Variants in DPH6 observed in about 807,000 individuals in gnomAD.
The protein encoded by DPH6 is diphthamine biosynthesis 6, also known as diphthine--ammonia ligase.
In DPH6, 33 loss-of-function variants were observed where a neutral mutation model predicts 38.2. That is an observed-to-expected ratio of 0.86 (90% CI 0.65 to 1.15). DPH6 has a LOEUF of 1.15. Among genes scored for constraint, DPH6 ranks in the 50% most tolerant of loss-of-function variants. The pLI is 0.00. For missense variants in DPH6, 325 were observed against 320.0 expected (o/e 1.02, Z -0.12); for synonymous variants, 108 against 103.0 (o/e 1.05, Z -0.30).
intron 5 of DPH6, among the ~76,000 whole-genome samples, chr15:35,436,275 G>T (rs1452023247): frequency 6.6e-6 from 1 of 151,422 alleles, no homozygotes; most frequent in East Asian, 2.0e-4. Flanking sequence ...GACCATCTTG[G>T]CTAACATGGT....
At chr15:35,400,924 G>A in intron 6 of DPH6, 1 of 1,040,460 alleles carries the variant, frequency 9.6e-7, no homozygotes. Context: ...GCCACACAAG[G>A]TGGATGAAGA....
At chr15:35,460,887 G>C (rs1033946709) in intron 3 of DPH6, among the ~76,000 whole-genome samples, 1 of 107,434 alleles carries the variant, frequency 9.3e-6, no homozygotes, top group South Asian at 3.3e-4. Context: ...AAAGCAAAGA[G>C]ATACTCACAA....
At chr15:35,521,483 GCTT>G in intron 3 of DPH6, 17 of 1,204,338 alleles carry the variant, frequency 1.4e-5, no homozygotes, top group Non-Finnish European at 1.8e-5. Context: ...CAAAATTAAT[GCTT>G]ACAACAGAAT....
In DPH6 at chr15:35,494,089, G is replaced by A. The variant is rs189518660; in HGVS notation, c.313-39269C>T. 5.9e-3 allele frequency among the ~76,000 whole-genome samples: 900 copies of A among 152,156 alleles called. 10 individuals are homozygous for A. The highest frequency in any genetic ancestry group is 0.021 in the African/African-American group (854 of 41,540). ...TTACTTAGTCTCCTTATCTGTAAAA[G>A]AGTGGGATAAAATAGTATTATGAGA... On this transcript the variant is annotated intron_variant, in intron 3 of 8. Coordinates refer to ENST00000256538, the MANE Select transcript of DPH6 (RefSeq NM_080650.4).
chr15:35,482,084 T>C (rs1439138840), intron 3 of DPH6, among the ~76,000 whole-genome samples: 3 of 152,068 alleles, frequency 2.0e-5, no homozygotes, highest in Admixed American at 6.6e-5. Context: ...CTGTGAAAAA[T>C]AGCAGTTTTA....
downstream of DPH6, among the ~76,000 whole-genome samples, chr15:35,329,863 T>C (rs188763314): frequency 6.6e-6 from 1 of 152,228 alleles, no homozygotes; most frequent in East Asian, 1.9e-4. Flanking sequence ...AAATACACAG[T>C]AATGTGTTGA....
chr15:35,222,633 G>T (rs1023827303), intron 3 of DPH6, among the ~76,000 whole-genome samples: 1 of 152,078 alleles, frequency 6.6e-6, no homozygotes, highest in African/African-American at 2.4e-5. Context: ...CATATGAACT[G>T]GGGTACAGAA....
At chr15:35,148,582 G>C in the DPH6 span, among the ~76,000 whole-genome samples, 1 of 151,930 alleles carries the variant, frequency 6.6e-6, no homozygotes, top group Non-Finnish European at 1.5e-5. Flanking sequence ...CTCATACTTA[G>C]TCAACACGTG....
intron 3 of DPH6, among the ~76,000 whole-genome samples, chr15:35,318,857 T>C (rs1261820268): frequency 6.6e-6 from 1 of 152,212 alleles, no homozygotes; most frequent in Admixed American, 6.5e-5. Flanking sequence ...ATATATTTTA[T>C]GGGATTTTTA....
At chr15:35,382,051 T>C in intron 6 of DPH6, 135 bp from the exon 7 acceptor site, 1 of 657,266 alleles carries the variant, frequency 1.5e-6, no homozygotes, top group Non-Finnish European at 2.6e-6. Context: ...GAAAATTAAT[T>C]ATATTTCTGC....
intron 6 of DPH6, among the ~76,000 whole-genome samples, chr15:35,402,174 T>C (rs765151705): frequency 2.6e-5 from 4 of 152,194 alleles, no homozygotes; most frequent in Admixed American, 6.5e-5. Flanking sequence ...AGTGTGAAGT[T>C]AGAATTCCTT....
chr15:35,359,125 C>T (rs562946618), intron 3 of DPH6, among the ~76,000 whole-genome samples: 5 of 152,072 alleles, frequency 3.3e-5, no homozygotes, highest in African/African-American at 1.2e-4. Context: ...AGGATTATCG[C>T]TGCCTCTGCT....
the DPH6 span, among the ~76,000 whole-genome samples, chr15:35,180,518 G>C: frequency 6.6e-6 from 1 of 151,678 alleles, no homozygotes; most frequent in Non-Finnish European, 1.5e-5. Flanking sequence ...GCCCAGGCTG[G>C]CACACGATCA....
At chr15:35,366,227 CTTGT>C (rs757175481), downstream of DPH6, among the ~76,000 whole-genome samples, 1 of 83,898 alleles carries the variant, frequency 1.2e-5, no homozygotes, top group Non-Finnish European at 2.3e-5. Context: ...TTTTAGTCAT[CTTGT>C]GTGTGTGTGT....
intron 5 of DPH6, among the ~76,000 whole-genome samples, chr15:35,416,291 T>C (rs1252248759): frequency 1.3e-5 from 2 of 151,984 alleles, no homozygotes; most frequent in East Asian, 1.9e-4. Flanking sequence ...TTCACATACA[T>C]GAAAGATGGT....
intron 3 of DPH6, among the ~76,000 whole-genome samples, chr15:35,530,187 C>A (rs2055065825): frequency 6.6e-6 from 1 of 151,938 alleles, no homozygotes; most frequent in African/African-American, 2.4e-5. Flanking sequence ...AAACTACAGG[C>A]CTAGAAATGA....
chr15:35,289,844 T>C (rs1206995288), intron 3 of DPH6, among the ~76,000 whole-genome samples: 2 of 152,206 alleles, frequency 1.3e-5, no homozygotes, highest in Non-Finnish European at 2.9e-5. Context: ...TTTTAGAAAA[T>C]GTAGTAAATA....
intron 6 of DPH6, among the ~76,000 whole-genome samples, chr15:35,395,953 T>C (rs2140967702): frequency 6.6e-6 from 1 of 152,324 alleles, no homozygotes; most frequent in East Asian, 1.9e-4. Flanking sequence ...CATGACATTA[T>C]CAACTAACAG....
At chr15:35,402,729 G>A (rs1168754832) in intron 6 of DPH6, among the ~76,000 whole-genome samples, 1 of 152,000 alleles carries the variant, frequency 6.6e-6, no homozygotes, top group Non-Finnish European at 1.5e-5. Flanking sequence ...AGTAGTTAGT[G>A]TATAAGCCTT....
Sources: gnomAD v4.1 joint callset for allele counts (sites outside exome capture counted in the v4.1 genomes callset) on GRCh38, gnomAD v4.1.1 for gene constraint, MANE v1.5 for transcripts, NCBI Gene and HGNC (gene_info 2026-07-23, HGNC 2026-07-21) for gene names.